DTX2: variants seen among roughly 807,000 people sequenced by gnomAD.
The protein encoded by DTX2 is probable E3 ubiquitin-protein ligase DTX2.
In DTX2, 29 loss-of-function variants were observed where a neutral mutation model predicts 55.3. That is an observed-to-expected ratio of 0.52 (90% CI 0.39 to 0.71). The LOEUF (loss-of-function observed/expected upper bound fraction) is 0.71. Ranked by LOEUF, DTX2 falls within the 30% of genes least tolerant of loss-of-function variation. The pLI is 0.00. For missense variants in DTX2, 537 were observed against 822.5 expected, an observed-to-expected ratio of 0.65 and a Z score of 4.25; for synonymous variants, 276 against 340.4, an observed-to-expected ratio of 0.81 and a Z score of 2.08.
rs946805460 is a variant in DTX2, at chr7:76,505,739, G to T, written c.*138G>T. On this transcript the variant is annotated 3_prime_UTR_variant, in exon 11 of 11. Coordinates refer to ENST00000430490, the MANE Select transcript of DTX2 (RefSeq NM_001102594.3). The surrounding 1 kb of genome is among the most constrained non-coding windows in gnomAD (Gnocchi z 4.4). ...GGGGTGTGCCCCACCTGAAGCCGGG[G>T]CTCCCCCTGCCTGCCTCTCTCTCCT... 3.3e-5 allele frequency: 30 copies of T among 896,712 alleles called. No individual in the cohort carries two copies. Among genetic ancestry groups the T allele is most frequent in the African/African-American group, 1.3e-4 (8 of 59,838 alleles). 55.5% of individuals were successfully genotyped at this position (896,712 alleles called of 1,614,324 possible).
At chr7:76,500,021 G>A (rs1272236037) in intron 6 of DTX2, 2 of 388,124 alleles carry the variant, frequency 5.2e-6, no homozygotes, top group African/African-American at 2.1e-5. Flanking sequence ...TTCATGCCAG[G>A]GTAATGCAAG....
intron 1 of DTX2, among the ~76,000 whole-genome samples, 153 bp downstream of exon 1, chr7:76,461,989 T>G (rs1806691932): frequency 6.4e-5 from 9 of 140,670 alleles, no homozygotes; most frequent in East Asian, 2.2e-4. Flanking sequence ...CACCCGGGGG[T>G]CCCGGGAGAT....
chr7:76,480,829 C>G (rs776403312), intron 3 of DTX2, 52 bp downstream of exon 3: 1 of 1,518,994 alleles, frequency 6.6e-7, no homozygotes, highest in Admixed American at 2.1e-5. Context: ...CCTGCTTTCC[C>G]ACAGGCTCTG....
At chr7:76,490,714 C>T (rs1393895912) in intron 4 of DTX2, among the ~76,000 whole-genome samples, 1 of 119,402 alleles carries the variant, frequency 8.4e-6, no homozygotes, top group African/African-American at 3.1e-5. Context: ...CTCAAGTGAT[C>T]CTCCTGCCTC....
At chr7:76,466,969 C>T (rs1027930001) in intron 2 of DTX2, among the ~76,000 whole-genome samples, 9 of 151,926 alleles carry the variant, frequency 5.9e-5, no homozygotes, top group Non-Finnish European at 8.8e-5. Flanking sequence ...GGCATAATCA[C>T]GGATCACTGC....
intron 4 of DTX2, among the ~76,000 whole-genome samples, chr7:76,491,070 C>T (rs1443720386): frequency 2.2e-5 from 3 of 138,674 alleles, no homozygotes; most frequent in African/African-American, 8.4e-5. Flanking sequence ...AATCTCGGCT[C>T]ACTGCAACCT....
intron 3 of DTX2, among the ~76,000 whole-genome samples, chr7:76,482,064 A>C (rs1296451732): frequency 1.3e-5 from 2 of 152,168 alleles, no homozygotes; most frequent in Non-Finnish European, 2.9e-5. Flanking sequence ...GTCAGCTCCC[A>C]AGTCGTTGCC....
intron 4 of DTX2, among the ~76,000 whole-genome samples, chr7:76,491,318 G>A (rs1161185976): frequency 6.4e-5 from 8 of 124,778 alleles, no homozygotes; most frequent in African/African-American, 2.5e-4. Context: ...TTTTTGAGAC[G>A]GAGTCTTGCT....
chr7:76,502,443 G>A lies in DTX2; in HGVS notation c.1376G>A (p.Cys459Tyr), dbSNP rs1563757593. The A allele has an allele frequency of 6.2e-7, 1 of 1,612,030 alleles. No individual in the cohort carries two copies. The highest frequency in any genetic ancestry group is 8.5e-7 in the Non-Finnish European group (1 of 1,179,872). ...FHLLCLLAMY[C>Y]NGNKDGSLQC... ...CTGCTGTGCCTCCTGGCCATGTACTGCAACGGCAATAAGGTGCCCCCACTG... is the reference window on the plus strand; with the variant it reads ...CTGCTGTGCCTCCTGGCCATGTACTACAACGGCAATAAGGTGCCCCCACTG... Residue 459 changes from cysteine to tyrosine, a missense_variant, in exon 8 of 11, where the codon TGC (cysteine) becomes TAC (tyrosine). Transcript: ENST00000430490.
chr7:76,490,961 T>A (rs905418949), intron 4 of DTX2, among the ~76,000 whole-genome samples: 1 of 132,246 alleles, frequency 7.6e-6, no homozygotes, highest in Admixed American at 7.6e-5. Context: ...TCTGCCAGGA[T>A]TTTTCTCCTC....
intron 7 of DTX2, among the ~76,000 whole-genome samples, chr7:76,501,632 C>T (rs1216375797): frequency 6.6e-6 from 1 of 151,474 alleles, no homozygotes. Context: ...CACCCCCTGC[C>T]AGCTTTAGTG....
chr7:76,472,578 C>T (rs1366185648), intron 2 of DTX2, among the ~76,000 whole-genome samples: 34 of 148,444 alleles, frequency 2.3e-4, no homozygotes, highest in Non-Finnish European at 4.6e-4. Context: ...CCGCCCCCCT[C>T]AGCCTTCCAA....
intron 2 of DTX2, among the ~76,000 whole-genome samples, chr7:76,471,802 G>A (rs1418366754): frequency 5.9e-5 from 9 of 151,458 alleles, no homozygotes; most frequent in Admixed American, 2.6e-4. Context: ...CTGGCTGCAG[G>A]TGGTCAGATT....
At chr7:76,486,766 G>C (rs1196393948) in intron 4 of DTX2, among the ~76,000 whole-genome samples, 4 of 141,966 alleles carry the variant, frequency 2.8e-5, no homozygotes, top group African/African-American at 1.0e-4. Context: ...GGTGAAGCCT[G>C]TGGGCGTTTT....
chr7:76,499,434 A>C (rs1811386887), intron 6 of DTX2, among the ~76,000 whole-genome samples: 1 of 151,798 alleles, frequency 6.6e-6, no homozygotes, highest in South Asian at 2.1e-4. Flanking sequence ...AAGGGAGTTC[A>C]GCAGGTGCAG....
intron 6 of DTX2, among the ~76,000 whole-genome samples, chr7:76,498,968 G>T (rs1811295809): frequency 1.8e-5 from 1 of 56,412 alleles, no homozygotes; most frequent in Non-Finnish European, 3.2e-5. Context: ...GGTGTATGGA[G>T]GTGTGAGGTG....
chr7:76,475,777 T>C (rs1395450795), intron 2 of DTX2, among the ~76,000 whole-genome samples: 1 of 131,286 alleles, frequency 7.6e-6, no homozygotes, highest in Non-Finnish European at 1.6e-5. Flanking sequence ...TTTTAATTAA[T>C]TTATTTTTAT....
intron 2 of DTX2, chr7:76,477,157 C>CGCCCGCCTGCCCGCCCGCCT (rs200752892): frequency 7.7e-6 from 1 of 129,616 alleles, no homozygotes; most frequent in African/African-American, 3.2e-5. Flanking sequence ...TCCGCCCGCC[C>CGCCCGCCTGCCCGCCCGCCT]GCCCGCCCGA....
chr7:76,475,406 C>T (rs1017837840), intron 2 of DTX2, among the ~76,000 whole-genome samples: 2 of 143,620 alleles, frequency 1.4e-5, no homozygotes, highest in Admixed American at 7.0e-5. Context: ...GAAAGAATAG[C>T]CCAGGTGCAG....
Sources: gnomAD v4.1 joint callset for allele counts (sites outside exome capture counted in the v4.1 genomes callset) on GRCh38, gnomAD v4.1.1 for gene constraint, Gnocchi (gnomAD v3.1) non-coding constraint, MANE v1.5 for transcripts, NCBI Gene and HGNC (gene_info 2026-07-23, HGNC 2026-07-21) for gene names.